NTNG1: variants seen among roughly 807,000 people sequenced by gnomAD.
NTNG1 encodes netrin-G1.
A neutral mutation model predicts 54.0 loss-of-function variants in NTNG1; 16 were observed. The observed-to-expected ratio is 0.30, with a 90% CI of 0.20 to 0.45. The LOEUF is 0.45. Ranked by LOEUF, NTNG1 falls within the 20% of genes least tolerant of loss-of-function variation. The pLI, the probability that NTNG1 is intolerant of heterozygous loss-of-function variation, is 1.00. For missense variants in NTNG1, 530 were observed against 678.7 expected, an observed-to-expected ratio of 0.78 and a Z score of 2.43; for synonymous variants, 255 against 263.1, an observed-to-expected ratio of 0.97 and a Z score of 0.30.
intron 3 of NTNG1, among the ~76,000 whole-genome samples, chr1:107,394,436 T>A (rs1672554570): frequency 6.6e-6 from 1 of 152,054 alleles, no homozygotes; most frequent in Non-Finnish European, 1.5e-5. Context: ...AGGATTTTTT[T>A]TTCTCCTTTA....
intron 2 of NTNG1, among the ~76,000 whole-genome samples, chr1:107,184,963 G>C (rs1657341544): frequency 6.6e-6 from 1 of 152,118 alleles, no homozygotes; most frequent in South Asian, 2.1e-4. Flanking sequence ...GTTGACATCT[G>C]GGATTGGGAT....
At chr1:107,186,289 AT>A (rs1483849802) in intron 2 of NTNG1, among the ~76,000 whole-genome samples, 2 of 152,094 alleles carry the variant, frequency 1.3e-5, no homozygotes, top group Non-Finnish European at 2.9e-5. Context: ...TCTCATCTGA[AT>A]TATGGTATTA....
intron 4 of NTNG1, among the ~76,000 whole-genome samples, chr1:107,396,820 G>A (rs1210401456): frequency 6.6e-6 from 1 of 152,138 alleles, no homozygotes; most frequent in African/African-American, 2.4e-5. Flanking sequence ...AACACTTCCT[G>A]GCATTCTGGC....
At chr1:107,198,435 T>C (rs978471691) in intron 2 of NTNG1, among the ~76,000 whole-genome samples, 2 of 151,982 alleles carry the variant, frequency 1.3e-5, no homozygotes, top group Non-Finnish European at 2.9e-5. Context: ...AAAAACTGTA[T>C]CCTTATCTCC....
intron 7 of NTNG1, among the ~76,000 whole-genome samples, chr1:107,454,979 T>C (rs1317627571): frequency 5.3e-5 from 8 of 152,078 alleles, no homozygotes; most frequent in African/African-American, 1.9e-4. Context: ...CACAGTGCTG[T>C]GCCAACTCTG....
chr1:107,431,003 C>A, intron 6 of NTNG1, 86 bp downstream of exon 6: 2 of 1,275,444 alleles, frequency 1.6e-6, no homozygotes, highest in Non-Finnish European at 2.2e-6. Flanking sequence ...GCGATTTGCA[C>A]CGCGGTTGAG....
intron 1 of NTNG1, among the ~76,000 whole-genome samples, chr1:107,141,766 C>A (rs985717874): frequency 1.3e-5 from 2 of 152,178 alleles, no homozygotes; most frequent in African/African-American, 4.8e-5. Flanking sequence ...AGCCTCCATC[C>A]GCCGACTGAC....
chr1:107,326,398 C>CTT (rs1197384691), intron 3 of NTNG1, among the ~76,000 whole-genome samples: 1 of 151,996 alleles, frequency 6.6e-6, no homozygotes, highest in East Asian at 1.9e-4. Context: ...AATACAGGAG[C>CTT]TGTTGTCTTA....
At chr1:107,291,486 T>C (rs1320581459) in intron 2 of NTNG1, among the ~76,000 whole-genome samples, 1 of 152,178 alleles carries the variant, frequency 6.6e-6, no homozygotes, top group Non-Finnish European at 1.5e-5. Context: ...TACATATGTA[T>C]ATGTAAATAT....
chr1:107,462,211 C>G (rs147844745), intron 7 of NTNG1, among the ~76,000 whole-genome samples: 22 of 152,134 alleles, frequency 1.4e-4, no homozygotes, highest in Non-Finnish European at 2.9e-4. Flanking sequence ...GTTTCTGTTT[C>G]GTGGAGAAAG....
At chr1:107,326,159 G>A (rs371450050) in intron 3 of NTNG1, among the ~76,000 whole-genome samples, 2 of 152,108 alleles carry the variant, frequency 1.3e-5, no homozygotes, top group African/African-American at 4.8e-5. Context: ...CAGAGTCTTA[G>A]CTGTGGAAAA....
chr1:107,253,665 C>T (rs1039416975), intron 2 of NTNG1, among the ~76,000 whole-genome samples: 6 of 152,200 alleles, frequency 3.9e-5, no homozygotes, highest in African/African-American at 1.2e-4. Context: ...TCTTTAATGG[C>T]TTCGCTGATA....
At chr1:107,284,112 AG>A (rs1365677316) in intron 2 of NTNG1, among the ~76,000 whole-genome samples, 1 of 152,034 alleles carries the variant, frequency 6.6e-6, no homozygotes, top group African/African-American at 2.4e-5. Flanking sequence ...TAGCTCCTTG[AG>A]GGTAGGTGTT....
chr1:107,185,895 A>G (rs1444045154), intron 2 of NTNG1, among the ~76,000 whole-genome samples: 2 of 152,138 alleles, frequency 1.3e-5, no homozygotes, highest in Non-Finnish European at 2.9e-5. Flanking sequence ...GTATACGTTT[A>G]AAGGGTAAAA....
chr1:107,450,033 T>C lies in NTNG1; in HGVS notation c.1390+13234T>C, dbSNP rs968397401. Reference sequence around the variant, plus strand: ...TGTATGACTGCTTTATTCCTACTGATAGGTTTATCCTGTTTCTTCAAGAAT... The same window carrying C: ...TGTATGACTGCTTTATTCCTACTGACAGGTTTATCCTGTTTCTTCAAGAAT... On this transcript the variant is annotated intron_variant, in intron 7 of 7. Transcript: ENST00000370068. Among the ~76,000 whole-genome samples the C allele has an allele frequency of 2.6e-5, 4 of 152,126 alleles. 1 individual carries two copies. The highest frequency in any genetic ancestry group is 1.9e-4 in the East Asian group (1 of 5,196).
At chr1:107,473,242 C>T (rs1678098903) in intron 7 of NTNG1, among the ~76,000 whole-genome samples, 1 of 152,060 alleles carries the variant, frequency 6.6e-6, no homozygotes, top group South Asian at 2.1e-4. Context: ...AAATACAGAC[C>T]CAGCATTGCT....
intron 5 of NTNG1, among the ~76,000 whole-genome samples, chr1:107,424,918 G>C (rs1417935397): frequency 6.6e-6 from 1 of 151,990 alleles, no homozygotes; most frequent in Non-Finnish European, 1.5e-5. Flanking sequence ...AGAACAAAGA[G>C]GTCCAAGGAT....
rs540857912 is a variant in NTNG1, at chr1:107,250,110, A to T, written c.247-74172A>T. 5.9e-5 allele frequency among the ~76,000 whole-genome samples: 9 copies of T among 152,314 alleles called. No homozygotes were observed. The East Asian group carries it at 1.7e-3, about 29-fold the overall frequency. On this transcript the variant is annotated intron_variant, in intron 2 of 7. Coordinates refer to ENST00000370068, the MANE Select transcript of NTNG1 (RefSeq NM_001113226.3). ...ATGAAGCCTTCCTTGGCACAAATTT[A>T]TACCTTTAGACATAGGTCCAGATTG...
intron 7 of NTNG1, among the ~76,000 whole-genome samples, chr1:107,478,513 C>G (rs1048891495): frequency 1.3e-5 from 2 of 152,086 alleles, no homozygotes; most frequent in Non-Finnish European, 1.5e-5. Context: ...GATTTATATT[C>G]ACATCCAAGA....
Sources: gnomAD v4.1 joint callset for allele counts (sites outside exome capture counted in the v4.1 genomes callset) on GRCh38, gnomAD v4.1.1 for gene constraint, MANE v1.5 for transcripts, NCBI Gene and HGNC (gene_info 2026-07-23, HGNC 2026-07-21) for gene names.